FMN1: variants seen among roughly 807,000 people sequenced by gnomAD.
FMN1 encodes the protein formin 1.
A neutral mutation model predicts 132.4 loss-of-function variants in FMN1; 110 were observed. The observed-to-expected ratio is 0.83, with a 90% CI of 0.71 to 0.97. FMN1 has a LOEUF of 0.97. Ranked by LOEUF, FMN1 falls within the 50% of genes least tolerant of loss-of-function variation. The pLI is 0.00. For missense variants in FMN1, 1,792 were observed against 1,705.3 expected (o/e 1.05, Z -0.90); for synonymous variants, 722 against 651.7 (o/e 1.11, Z -1.64).
At chr15:33,158,919 C>T (rs1311745684) in intron 3 of FMN1, among the ~76,000 whole-genome samples, 1 of 152,082 alleles carries the variant, frequency 6.6e-6, no homozygotes, top group Admixed American at 6.6e-5. Context: ...AGGCATGGTG[C>T]CTCATGACTA....
rs1421189625 is a variant in FMN1, at chr15:33,171,789, T to C, written c.-132+8409A>G. Among the ~76,000 whole-genome samples, 3 of 152,348 alleles carry C rather than the reference T, an allele frequency of 2.0e-5. No individual in the cohort carries two copies. In the East Asian group the frequency reaches 5.8e-4, roughly 29 times the overall value. On this transcript the variant is annotated intron_variant, in intron 3 of 20. Coordinates refer to ENST00000616417, the MANE Select transcript of FMN1 (RefSeq NM_001277313.2). ...AATCTAAGATGTTTCAAAGAAAATA[T>C]GTAAAATGCTATTCACAAATGCAAT...
At chr15:33,067,589 C>T (rs369546474) in intron 5 of FMN1, 14 of 1,613,888 alleles carry the variant, frequency 8.7e-6, no homozygotes, top group Non-Finnish European at 1.2e-5. Flanking sequence ...TGTCTCCACG[C>T]TTGCAATTTT....
chr15:33,072,508 A>ATT (rs1219552395), intron 5 of FMN1, among the ~76,000 whole-genome samples: 2 of 152,228 alleles, frequency 1.3e-5, no homozygotes, highest in African/African-American at 2.4e-5. Flanking sequence ...GCTACTTAAA[A>ATT]ATGTGAGCAT....
intron 16 of FMN1, chr15:32,860,550 G>A (rs933197680): frequency 1.3e-5 from 2 of 152,222 alleles, no homozygotes; most frequent in African/African-American, 2.4e-5. Flanking sequence ...GTATTCAGAA[G>A]GCAGAGGTGA....
chr15:33,095,246 G>A (rs774294844), intron 4 of FMN1, among the ~76,000 whole-genome samples: 2 of 152,084 alleles, frequency 1.3e-5, no homozygotes, highest in Non-Finnish European at 2.9e-5. Context: ...TACTTGGAAG[G>A]CTGAGGCACA....
intron 9 of FMN1, among the ~76,000 whole-genome samples, chr15:32,953,131 C>A (rs934663580): frequency 6.6e-6 from 1 of 152,180 alleles, no homozygotes; most frequent in Non-Finnish European, 1.5e-5. Context: ...TTTTGTCATT[C>A]ACTCCACTGG....
intron 16 of FMN1, among the ~76,000 whole-genome samples, chr15:32,860,338 G>A (rs557178076): frequency 2.0e-5 from 3 of 152,172 alleles, no homozygotes; most frequent in Admixed American, 6.5e-5. Flanking sequence ...AGATTCTCAC[G>A]TGTAGGAAAG....
intron 6 of FMN1, among the ~76,000 whole-genome samples, chr15:33,027,240 G>T (rs1226938628): frequency 2.6e-5 from 4 of 152,150 alleles, no homozygotes; most frequent in Non-Finnish European, 4.4e-5. Flanking sequence ...GGTGCCAGGA[G>T]ATATGAGCTA....
intron 6 of FMN1, among the ~76,000 whole-genome samples, chr15:33,023,939 C>T (rs1350407933): frequency 1.3e-5 from 2 of 152,038 alleles, no homozygotes; most frequent in African/African-American, 2.4e-5. Context: ...ATACCAGAAT[C>T]GTGTCTGTTG....
At position 32,770,050 on chromosome 15, in the gene FMN1, G is replaced by C. The variant is rs1352142492; in HGVS notation, c.*4260C>G. 6.6e-6 allele frequency: 1 copy of C among 152,120 alleles called. No homozygotes were observed. Among genetic ancestry groups the C allele is most frequent in the Non-Finnish European group, 1.5e-5 (1 of 68,032 alleles). 9.4% of individuals were successfully genotyped at this position (152,120 alleles called of 1,614,324 possible). On this transcript the variant is annotated 3_prime_UTR_variant, in exon 21 of 21. Transcript: ENST00000616417. ...AATATTTGGATCAGATATGTGGGAG[G>C]GGGGAAGGCTATATATTTTTGGACT...
chr15:32,846,515 A>AC (rs1161373165), intron 17 of FMN1, among the ~76,000 whole-genome samples: 1 of 152,236 alleles, frequency 6.6e-6, no homozygotes, highest in Non-Finnish European at 1.5e-5. Flanking sequence ...ACAATGAGAT[A>AC]CCATCTCCCA....
intron 4 of FMN1, among the ~76,000 whole-genome samples, chr15:33,126,252 G>A (rs183005093): frequency 1.3e-5 from 2 of 152,248 alleles, no homozygotes; most frequent in African/African-American, 2.4e-5. Flanking sequence ...AAGGAAGATG[G>A]GTGGAAAGAT....
At chr15:32,977,945 C>A (rs1213426581) in intron 7 of FMN1, among the ~76,000 whole-genome samples, 1 of 151,940 alleles carries the variant, frequency 6.6e-6, no homozygotes, top group African/African-American at 2.4e-5. Flanking sequence ...CAACCTCCGC[C>A]TCCCACGTTT....
intron 4 of FMN1, among the ~76,000 whole-genome samples, chr15:33,119,522 TG>T (rs1231193236): frequency 1.3e-5 from 2 of 152,206 alleles, no homozygotes; most frequent in Admixed American, 1.3e-4. Flanking sequence ...GTACGCTCAG[TG>T]GGCCAGACAG....
intron 17 of FMN1, among the ~76,000 whole-genome samples, chr15:32,855,176 A>AG (rs1310305110): frequency 6.7e-5 from 10 of 149,710 alleles, no homozygotes; most frequent in African/African-American, 2.0e-4. Flanking sequence ...AAAAAAAAAA[A>AG]AAAAAAGAAA....
chr15:33,082,831 G>C (rs539334658), intron 5 of FMN1, among the ~76,000 whole-genome samples: 6 of 151,816 alleles, frequency 4.0e-5, no homozygotes, highest in Non-Finnish European at 8.8e-5. Context: ...AGGAGTGATA[G>C]AGTTAGTTAA....
At chr15:32,853,756 C>T (rs2059062673) in intron 17 of FMN1, among the ~76,000 whole-genome samples, 1 of 152,194 alleles carries the variant, frequency 6.6e-6, no homozygotes, top group Non-Finnish European at 1.5e-5. Flanking sequence ...GAGGTAACAG[C>T]CTGACCAAGT....
chr15:32,945,876 G>A (rs895131495), intron 9 of FMN1, among the ~76,000 whole-genome samples: 31 of 152,046 alleles, frequency 2.0e-4, no homozygotes, highest in African/African-American at 7.5e-4. Context: ...GATACTTAGG[G>A]CACCTCACAT....
chr15:32,804,757 A>C (rs1045521152), intron 17 of FMN1, among the ~76,000 whole-genome samples: 5 of 147,292 alleles, frequency 3.4e-5, no homozygotes, highest in African/African-American at 5.1e-5. Context: ...GAGAACATGC[A>C]GTGTTTGGTT....
Sources: allele counts gnomAD v4.1 joint callset (sites outside exome capture counted in the v4.1 genomes callset), GRCh38; gene constraint gnomAD v4.1.1; transcripts MANE v1.5; gene names NCBI Gene and HGNC (gene_info 2026-07-23, HGNC 2026-07-21).